The following ROGDI variants were observed in gnomAD, a reference collection of about 807,000 sequenced individuals.
The protein encoded by ROGDI is rogdi atypical leucine zipper, also known as protein rogdi homolog.
A neutral mutation model predicts 43.1 loss-of-function variants in ROGDI; 46 were observed. The ratio of observed to expected loss-of-function variants is 1.07; its 90% CI spans 0.84 to 1.37. The LOEUF is 1.37. Ranked by LOEUF, ROGDI falls within the 40% of genes most tolerant of loss-of-function variation. The pLI, the probability that ROGDI is intolerant of heterozygous loss-of-function variation, is 0.00. For missense variants in ROGDI, 518 were observed against 383.9 expected (o/e 1.35, Z -2.92); for synonymous variants, 243 against 162.0 (o/e 1.50, Z -3.80).
intron 2 of ROGDI, chr16:4,801,877 G>T (rs1382624461): frequency 6.9e-6 from 4 of 578,886 alleles, no homozygotes. Context: ...AAGGGGCAAG[G>T]GGCAGAGTCA....
intron 2 of ROGDI, chr16:4,801,859 G>GAGGGGGAA: frequency 1.7e-6 from 1 of 585,606 alleles, no homozygotes; most frequent in Non-Finnish European, 3.1e-6. Context: ...CAGCTTGGTT[G>GAGGGGGAA]AGGGGGAAAG....
rs923393796 is a variant in ROGDI, at chr16:4,798,095, A to G, written c.621T>C (p.His207=). 5.6e-6 allele frequency: 9 copies of G among 1,613,764 alleles called. No individual in the cohort carries two copies. In the African/African-American group the frequency reaches 9.3e-5, roughly 17 times the overall value. ...NKLCLTVYQL[H]ALQPNSTKNF... is the part of the protein sequence containing the mutation. ...CCTTGGTGGAGTTGGGCTGCAGGGC[A>G]TGCAGCTGGTACACCGTGAGGCAGA... Residue 207 remains histidine (H), a synonymous_variant, in exon 8 of 11, where the codon CAT becomes CAC. Transcript: ENST00000322048.
rs144581570 is a variant in ROGDI, at chr16:4,797,783, G to A, written c.753C>T (p.Ile251=). ...VSHVHKVECV[I]PWLNDALVYF... is the part of the protein sequence containing the mutation. ...AGACCAGGGCGTCGTTGAGCCAGGG[G>A]ATCACGCACTCCACTTTGTGCACGT... The change falls in exon 10 of 11, where the codon ATC becomes ATT. Residue 251 remains isoleucine (I), a synonymous_variant. Coordinates refer to ENST00000322048, the MANE Select transcript of ROGDI (RefSeq NM_024589.3). The A allele has an allele frequency of 9.3e-6, 15 of 1,613,682 alleles. No individual in the cohort carries two copies. In the East Asian group the frequency reaches 3.1e-4, roughly 34 times the overall value.
At chr16:4,802,052 C>A in intron 2 of ROGDI, 1 of 601,720 alleles carries the variant, frequency 1.7e-6, no homozygotes, top group Non-Finnish European at 3.1e-6. Context: ...CAGGGAGGTT[C>A]AGTGACTTGG....
chr16:4,802,562 C>T lies in ROGDI; in HGVS notation c.10G>A (p.Val4Met), dbSNP rs1265976258. The part of the protein sequence containing the change: MAT[V>M]MAATAAERAV... ...CGCTCCGCCGCCGTCGCTGCCATCA[C>T]GGTGGCCATGGCCGCAGGCCGCCGC... The change falls in exon 1 of 11, where the codon GTG becomes ATG. Residue 4 changes from valine to methionine, a missense_variant. Physicochemically the swap from Val to Met is conservative, Grantham distance 21. Transcript: ENST00000322048. The T allele has an allele frequency of 1.5e-6, 2 of 1,302,232 alleles. No homozygotes were observed. The highest frequency in any genetic ancestry group is 2.0e-6 in the Non-Finnish European group (2 of 1,018,760). 80.7% of individuals were successfully genotyped at this position (1,302,232 alleles called of 1,614,324 possible).
intron 4 of ROGDI, 97 bp downstream of exon 4, chr16:4,801,170 C>G: frequency 9.9e-7 from 1 of 1,008,626 alleles, no homozygotes; most frequent in East Asian, 2.5e-5. Context: ...GATCAAGGGT[C>G]CCGCCCAGAG....
At position 4,797,975 on chromosome 16, in the gene ROGDI, C is replaced by A. The variant is rs546063670; in HGVS notation, c.658G>T (p.Ala220Ser). The stretch of plus-strand genomic sequence containing the variant: ...GGGCTATGCAGCACCGCGCCCCCAG[C>A]TGGGCGGAAGTTCTAGGGAGAACAG... ...QPNSTKNFRP[A>S]GGAVLHSPGA... The change falls in exon 9 of 11, where the codon GCT becomes TCT. Residue 220 changes from alanine to serine, a missense_variant. Ala to Ser is a moderately conservative substitution (Grantham distance 99, BLOSUM62 1). Coordinates refer to ENST00000322048, the MANE Select transcript of ROGDI (RefSeq NM_024589.3). 2.2e-5 allele frequency: 36 copies of A among 1,607,668 alleles called. No homozygotes were observed. The highest frequency in any genetic ancestry group is 2.9e-5 in the Non-Finnish European group (34 of 1,175,572).
In ROGDI at chr16:4,801,091, G is replaced by C; in HGVS notation, c.255+176C>G. 6 of 569,704 alleles carry C rather than the reference G, an allele frequency of 1.1e-5. No individual in the cohort carries two copies. The South Asian group carries it at 1.5e-4, about 14-fold the overall frequency. 35.3% of individuals were successfully genotyped at this position (569,704 alleles called of 1,614,324 possible). On this transcript the variant is annotated intron_variant, in intron 4 of 10. Transcript: ENST00000322048. ...CTCTCCTGCACCTCTTACTGAATCT[G>C]CACACCGATCCCGGGAGAAGGTGTG...
At position 4,797,164 on chromosome 16, in the gene ROGDI, C is replaced by T; in HGVS notation, c.*296G>A. The T allele has an allele frequency of 2.7e-6, 1 of 365,172 alleles. No individual in the cohort carries two copies. Among genetic ancestry groups the T allele is most frequent in the Non-Finnish European group, 5.1e-6 (1 of 197,252 alleles). 22.6% of individuals were successfully genotyped at this position (365,172 alleles called of 1,614,324 possible). A position where few individuals can be genotyped will look rare whatever the true frequency, so the allele number is the denominator to read the frequency against. On this transcript the variant is annotated 3_prime_UTR_variant, in exon 11 of 11. Transcript: ENST00000322048. ...AGCGAAGGGGAGAGGAGGGAGAGCC[C>T]TGCGCCTGGCCCTGTCCTGAGTCCA...
At chr16:4,800,458 G>A (rs2082701173) in intron 5 of ROGDI, 40 bp downstream of exon 5, 2 of 1,515,658 alleles carry the variant, frequency 1.3e-6, no homozygotes, top group Non-Finnish European at 1.8e-6. Flanking sequence ...GCTGCCGCCT[G>A]TCCTTGTGGC....
In ROGDI at chr16:4,797,761, C is replaced by T. The variant is rs759325299; in HGVS notation, c.775G>A (p.Val259Ile). The T allele has an allele frequency of 1.9e-6, 3 of 1,597,666 alleles. No homozygotes were observed. The highest frequency in any genetic ancestry group is 2.6e-6 in the Non-Finnish European group (3 of 1,173,276). Residue 259 changes from valine (V) to isoleucine (I), a missense_variant, in exon 10 of 11, where the codon GTC becomes ATC. Transcript: ENST00000322048. ...CVIPWLNDAL[V>I]YFTVSLQLCQ... is the part of the protein sequence containing the mutation. ...AGCTGCAGGGAGACGGTGAAGTAGA[C>T]CAGGGCGTCGTTGAGCCAGGGGATC...
chr16:4,798,777 G>A (rs963581094), intron 6 of ROGDI, 110 bp from the exon 7 acceptor site: 14 of 925,162 alleles, frequency 1.5e-5, no homozygotes, highest in African/African-American at 3.3e-5. Flanking sequence ...ACTGTTCCCA[G>A]GTCCCGAAAC....
intron 4 of ROGDI, chr16:4,801,020 T>C (rs1217644614): frequency 9.8e-6 from 5 of 508,280 alleles, no homozygotes; most frequent in African/African-American, 1.9e-5. Flanking sequence ...CCAATGCCCA[T>C]GTTTCACTGG....
intron 10 of ROGDI, 98 bp from the exon 11 acceptor site, chr16:4,797,599 T>A (rs1253512006): frequency 3.9e-6 from 2 of 516,048 alleles, no homozygotes; most frequent in African/African-American, 5.7e-5. Context: ...GGACAGGGCA[T>A]TGCTGCCTCG....
chr16:4,801,106 G>A, intron 4 of ROGDI, 161 bp downstream of exon 4: 1 of 582,058 alleles, frequency 1.7e-6, no homozygotes, highest in East Asian at 2.9e-5. Context: ...CCGATCCCGG[G>A]AGAAGGTGTG....
At chr16:4,802,349 C>A in intron 2 of ROGDI, 33 bp downstream of exon 2, 1 of 1,538,196 alleles carries the variant, frequency 6.5e-7, no homozygotes. Flanking sequence ...GGGAGGGCCG[C>A]CACGCCCGGC....
chr16:4,798,610 CG>C lies in ROGDI; in HGVS notation c.489del (p.Ala164ProfsTer78), dbSNP rs2082682807. 6.4e-7 allele frequency: 1 copy of C among 1,574,316 alleles called. No homozygotes were observed. ...GCGATCTCGGGGAGGGTGAGGGTGG[CG>C]GGGGTGGTGAGCCGGTTTCGGGCTC... ...LTRARNRLTT[P>X]ATLTLPEIAA... On this transcript the variant is annotated frameshift_variant, in exon 7 of 11. Transcript: ENST00000322048. LOFTEE classifies it high-confidence loss of function.
chr16:4,798,351 C>T (rs1384561867), intron 7 of ROGDI, among the ~76,000 whole-genome samples, 167 bp from the exon 8 acceptor site: 1 of 152,222 alleles, frequency 6.6e-6, no homozygotes, highest in Non-Finnish European at 1.5e-5. Context: ...CCCCAAGTAT[C>T]TCCTGTGCTG....
intron 7 of ROGDI, 109 bp from the exon 8 acceptor site, chr16:4,798,293 C>A (rs566311936): frequency 5.5e-6 from 5 of 909,560 alleles, no homozygotes; most frequent in Admixed American, 4.1e-5. Flanking sequence ...GTCCCCACCC[C>A]AGAGATGCTC....
Sources: allele counts gnomAD v4.1 joint callset (sites outside exome capture counted in the v4.1 genomes callset), GRCh38; gene constraint gnomAD v4.1.1; transcripts MANE v1.5; gene names NCBI Gene and HGNC (gene_info 2026-07-23, HGNC 2026-07-21).